ARHGEF28: variants seen among roughly 807,000 people sequenced by gnomAD.
ARHGEF28 encodes Rho guanine nucleotide exchange factor 28.
A neutral mutation model predicts 206.6 loss-of-function variants in ARHGEF28; 152 were observed. That is an observed-to-expected ratio of 0.74 (90% CI 0.64 to 0.84). The LOEUF (loss-of-function observed/expected upper bound fraction) is 0.84. ARHGEF28 is among the 40% of genes least tolerant of loss of function. ARHGEF28 has a pLI of 0.00. For synonymous variants in ARHGEF28, 763 were observed against 776.4 expected, an observed-to-expected ratio of 0.98 and a Z score of 0.29; for missense variants, 2,028 against 2,073.2, an observed-to-expected ratio of 0.98 and a Z score of 0.42.
At chr5:73,713,488 G>A (rs796891210) in intron 2 of ARHGEF28, among the ~76,000 whole-genome samples, 15 of 152,166 alleles carry the variant, frequency 9.9e-5, no homozygotes, top group African/African-American at 3.6e-4. Flanking sequence ...GGGAGAGTGA[G>A]AGAGTTAAGA....
intron 4 of ARHGEF28, among the ~76,000 whole-genome samples, chr5:73,768,457 A>G (rs1456701698): frequency 6.6e-6 from 1 of 152,176 alleles, no homozygotes; most frequent in Non-Finnish European, 1.5e-5. Context: ...TGGATATGAG[A>G]CATGGAGTCA....
intron 16 of ARHGEF28, chr5:73,863,376 A>T (rs1357027104): frequency 6.6e-6 from 1 of 152,082 alleles, no homozygotes; most frequent in Admixed American, 6.6e-5. Context: ...GATTTCTGCT[A>T]TCTATGTTCG....
intron 16 of ARHGEF28, among the ~76,000 whole-genome samples, chr5:73,861,672 A>G (rs1251694769): frequency 6.6e-6 from 1 of 152,164 alleles, no homozygotes; most frequent in East Asian, 1.9e-4. Context: ...TGAACATTTA[A>G]TTTTTTCCTA....
intron 2 of ARHGEF28, among the ~76,000 whole-genome samples, chr5:73,740,700 C>T (rs1751328242): frequency 6.6e-6 from 1 of 152,082 alleles, no homozygotes; most frequent in Non-Finnish European, 1.5e-5. Flanking sequence ...TTTTTGCATC[C>T]CTTTGGCATC....
rs1757917445 is a variant in ARHGEF28 at position 73,840,470 on chromosome 5, C to T, written c.1147-10C>T. 7 of 1,605,956 alleles carry T rather than the reference C, an allele frequency of 4.4e-6. No individual in the cohort carries two copies. The highest frequency in any genetic ancestry group is 4.5e-5 in the East Asian group (2 of 44,780). On this transcript the variant is annotated splice_polypyrimidine_tract_variant and intron_variant, in intron 10 of 35. Transcript: ENST00000513042. ...TTTTACTCAGGAAATGTTTTTCTTT[C>T]AACTTCCAGGTTGGTGATTTGGATA...
chr5:73,641,996 C>T (rs918214116), intron 1 of ARHGEF28, among the ~76,000 whole-genome samples: 2 of 152,186 alleles, frequency 1.3e-5, no homozygotes, highest in Non-Finnish European at 2.9e-5. Context: ...GTTAAGCAAC[C>T]TGCTGCGGGG....
chr5:73,684,707 A>G (rs1326453740), intron 1 of ARHGEF28, 134 bp from the exon 2 acceptor site: 27 of 581,138 alleles, frequency 4.6e-5, no homozygotes, highest in South Asian at 1.4e-4. Context: ...TTATTCTTTC[A>G]TATTTTGTCT....
At position 73,872,197 on chromosome 5, in the gene ARHGEF28, T is replaced by C. The variant is rs140220001; in HGVS notation, c.2567-802T>C. 6.8e-4 allele frequency among the ~76,000 whole-genome samples: 104 copies of C among 152,334 alleles called. No individual in the cohort carries two copies. In the East Asian group the frequency reaches 0.017, roughly 25 times the overall value. On this transcript the variant is annotated intron_variant, in intron 21 of 35. Transcript: ENST00000513042. ...AACTAGCCTAATATGTGTGAAGTGATGTGTCATTTTGGTTTTGATTTTCAT... is the reference window on the plus strand; with the variant it reads ...AACTAGCCTAATATGTGTGAAGTGACGTGTCATTTTGGTTTTGATTTTCAT...
intron 22 of ARHGEF28, 88 bp downstream of exon 22, chr5:73,873,334 T>C: frequency 1.4e-6 from 2 of 1,428,896 alleles, no homozygotes; most frequent in Non-Finnish European, 1.9e-6. Flanking sequence ...GTAAAAAAAA[T>C]GATATTTTGA....
chr5:73,651,322 T>G (rs998242566), intron 1 of ARHGEF28, among the ~76,000 whole-genome samples: 11 of 152,246 alleles, frequency 7.2e-5, no homozygotes, highest in Non-Finnish European at 1.5e-4. Flanking sequence ...AGTAACATTA[T>G]TTATGGATTG....
intron 1 of ARHGEF28, among the ~76,000 whole-genome samples, chr5:73,675,018 G>A (rs193070995): frequency 2.5e-3 from 388 of 152,280 alleles, no homozygotes; most frequent in Middle Eastern, 6.8e-3. Context: ...GCCACACTAG[G>A]AAATTAGTCA....
At chr5:73,938,160 C>CACACACACA (rs577912637) in intron 35 of ARHGEF28, among the ~76,000 whole-genome samples, 4 of 139,548 alleles carry the variant, frequency 2.9e-5, no homozygotes, top group Admixed American at 7.2e-5. Flanking sequence ...CTACACTACA[C>CACACACACA]CACACACACA....
Position 73,894,432 on chromosome 5 carries a change from TGGA to T in ARHGEF28, c.3703_3705del (p.Glu1235del), listed in dbSNP as rs781487497. Reference sequence around the variant, plus strand: ...CAAGACCAACAAATTTGTGCGTATTTGGAGGAGAAGCTGCATATCTATGCTGAA... The same window carrying T: ...CAAGACCAACAAATTTGTGCGTATTTGGAGAAGCTGCATATCTATGCTGAA... On this transcript the variant is annotated inframe_deletion, in exon 29 of 36. Coordinates refer to ENST00000513042, the MANE Select transcript of ARHGEF28 (RefSeq NM_001177693.2). 4 of 1,613,426 alleles carry T rather than the reference TGGA, an allele frequency of 2.5e-6. No individual in the cohort carries two copies. The South Asian group carries it at 3.3e-5, about 13-fold the overall frequency.
intron 1 of ARHGEF28, among the ~76,000 whole-genome samples, chr5:73,682,418 C>CTT (rs113519554): frequency 6.8e-4 from 95 of 140,706 alleles, no homozygotes; most frequent in South Asian, 3.9e-3. Flanking sequence ...ACAATTCATT[C>CTT]TTTTTTTTTT....
At chr5:73,775,088 T>C (rs1038551272) in intron 5 of ARHGEF28, among the ~76,000 whole-genome samples, 1 of 152,212 alleles carries the variant, frequency 6.6e-6, no homozygotes, top group African/African-American at 2.4e-5. Flanking sequence ...ATTGTCCTTT[T>C]CCTTGTTTTA....
chr5:73,876,178 A>G (rs990463155), intron 22 of ARHGEF28, among the ~76,000 whole-genome samples: 5 of 145,026 alleles, frequency 3.4e-5, no homozygotes, highest in Non-Finnish European at 6.0e-5. Flanking sequence ...TTCTCTTTGA[A>G]GCAATTGTGA....
chr5:73,710,360 GA>G (rs2112306729), intron 2 of ARHGEF28, among the ~76,000 whole-genome samples: 1 of 152,280 alleles, frequency 6.6e-6, no homozygotes, highest in South Asian at 2.1e-4. Context: ...TTTCTTTGGT[GA>G]AGTGTCTGCT....
intron 1 of ARHGEF28, among the ~76,000 whole-genome samples, chr5:73,665,596 G>T (rs2112200766): frequency 6.6e-6 from 1 of 152,326 alleles, no homozygotes; most frequent in Non-Finnish European, 1.5e-5. Context: ...AGGCTGAGAA[G>T]TTCTAGCTGG....
chr5:73,940,817 G>A (rs1455019528), intron 35 of ARHGEF28, 27 bp from the exon 36 acceptor site: 1 of 1,439,932 alleles, frequency 6.9e-7, no homozygotes, highest in Non-Finnish European at 9.1e-7. Flanking sequence ...GTGGCCTCCT[G>A]TAACCTGTGC....
Sources: gnomAD v4.1 joint callset for allele counts (sites outside exome capture counted in the v4.1 genomes callset) on GRCh38, gnomAD v4.1.1 for gene constraint, MANE v1.5 for transcripts, NCBI Gene and HGNC (gene_info 2026-07-23, HGNC 2026-07-21) for gene names.